Variants in TMOD1 observed in about 807,000 individuals in gnomAD.
TMOD1 encodes tropomodulin 1.
A neutral mutation model predicts 40.6 loss-of-function variants in TMOD1; 17 were observed. That is an observed-to-expected ratio of 0.42 (90% CI 0.29 to 0.63). The LOEUF is 0.63. Among genes scored for constraint, TMOD1 ranks in the 20% least tolerant of loss-of-function variants. The pLI, the probability that TMOD1 is intolerant of heterozygous loss-of-function variation, is 0.22. For missense variants in TMOD1, 391 were observed against 447.6 expected (o/e 0.87, Z 1.14); for synonymous variants, 181 against 175.0 (o/e 1.03, Z -0.27).
chr9:97,553,445 G>A, intron 4 of TMOD1, 45 bp downstream of exon 4: 1 of 1,611,978 alleles, frequency 6.2e-7, no homozygotes, highest in Non-Finnish European at 8.5e-7. Context: ...AGAAGGATTT[G>A]ACCCACATCT....
intron 1 of TMOD1, among the ~76,000 whole-genome samples, chr9:97,503,869 A>G (rs917325689): frequency 6.6e-6 from 1 of 152,138 alleles, no homozygotes; most frequent in Admixed American, 6.5e-5. Context: ...GTGGACCTGG[A>G]GTGGAGAGGG....
intron 1 of TMOD1, among the ~76,000 whole-genome samples, chr9:97,504,178 A>G (rs904375604): frequency 6.6e-6 from 1 of 152,172 alleles, no homozygotes; most frequent in East Asian, 1.9e-4. Context: ...CAATAGCCCC[A>G]TTTCATAGGG....
intron 2 of TMOD1, among the ~76,000 whole-genome samples, chr9:97,526,878 A>G (rs1830022226): frequency 6.6e-6 from 1 of 152,168 alleles, no homozygotes; most frequent in Non-Finnish European, 1.5e-5. Flanking sequence ...TCTTATACCC[A>G]GGTGTGATTA....
intron 4 of TMOD1, among the ~76,000 whole-genome samples, chr9:97,558,070 G>A (rs1830561518): frequency 6.6e-6 from 1 of 152,180 alleles, no homozygotes. Flanking sequence ...CTAGCCCCAG[G>A]CATTCTGCCC....
At chr9:97,531,744 G>A (rs941931713) in intron 2 of TMOD1, among the ~76,000 whole-genome samples, 1 of 152,102 alleles carries the variant, frequency 6.6e-6, no homozygotes, top group Non-Finnish European at 1.5e-5. Flanking sequence ...CTACATACGC[G>A]GTACCGGTAG....
chr9:97,509,110 A>C (rs1328001976), intron 1 of TMOD1, among the ~76,000 whole-genome samples: 1 of 152,148 alleles, frequency 6.6e-6, no homozygotes, highest in African/African-American at 2.4e-5. Context: ...CCCTGCTGAC[A>C]CCTCGATTTT....
At chr9:97,535,523 A>G (rs1311429748) in intron 2 of TMOD1, among the ~76,000 whole-genome samples, 1 of 152,124 alleles carries the variant, frequency 6.6e-6, no homozygotes. Context: ...GAGTAAGGTG[A>G]CCACACCACT....
intron 8 of TMOD1, among the ~76,000 whole-genome samples, chr9:97,575,636 G>C (rs1348415602): frequency 3.9e-5 from 6 of 152,184 alleles, no homozygotes; most frequent in Non-Finnish European, 7.3e-5. Context: ...AGTATTCCCA[G>C]TTGTCCATAT....
intron 8 of TMOD1, 135 bp downstream of exon 8, chr9:97,569,172 G>A (rs1830780073): frequency 8.9e-7 from 1 of 1,124,202 alleles, no homozygotes. Context: ...GACCTCCAAG[G>A]TCCCTAAAGT....
intron 3 of TMOD1, among the ~76,000 whole-genome samples, chr9:97,548,372 A>T (rs148776419): frequency 2.5e-3 from 383 of 152,326 alleles, no homozygotes; most frequent in African/African-American, 8.8e-3. Context: ...GAAAACTGGA[A>T]GTCCAGGGAG....
intron 8 of TMOD1, among the ~76,000 whole-genome samples, chr9:97,585,143 C>T (rs868039529): frequency 6.6e-6 from 1 of 152,130 alleles, no homozygotes; most frequent in Non-Finnish European, 1.5e-5. Context: ...CGGCTGGTAC[C>T]AGTTGTTCCT....
At chr9:97,506,339 G>C (rs1432678946) in intron 1 of TMOD1, among the ~76,000 whole-genome samples, 1 of 152,096 alleles carries the variant, frequency 6.6e-6, no homozygotes, top group Non-Finnish European at 1.5e-5. Flanking sequence ...ATTTATTTCT[G>C]CTTCCCCATG....
At chr9:97,564,525 T>G (rs1830696275) in intron 6 of TMOD1, among the ~76,000 whole-genome samples, 2 of 152,298 alleles carry the variant, frequency 1.3e-5, no homozygotes, top group South Asian at 4.1e-4. Flanking sequence ...GCATGGGATC[T>G]CAAGGCTGGA....
In TMOD1 at chr9:97,502,365, G is replaced by C. The variant is rs1829516917; in HGVS notation, c.-49+562G>C. Among the ~76,000 whole-genome samples the C allele has an allele frequency of 1.3e-5, 2 of 152,232 alleles. No individual in the cohort carries two copies. Among genetic ancestry groups the C allele is most frequent in the Admixed American group, 1.3e-4 (2 of 15,290 alleles). ...GGGCAGGTGAAGTTTCCCAAACTGG[G>C]AGAGACAAGGTTTAAAGCACCACGA... On this transcript the variant is annotated intron_variant, in intron 1 of 9. Coordinates refer to ENST00000259365, the MANE Select transcript of TMOD1 (RefSeq NM_003275.4). The surrounding 1 kb of genome is among the most constrained non-coding windows in gnomAD (Gnocchi z 6.1).
chr9:97,558,647 T>C (rs1373755909), intron 4 of TMOD1, among the ~76,000 whole-genome samples: 4 of 152,210 alleles, frequency 2.6e-5, no homozygotes, highest in Admixed American at 6.5e-5. Flanking sequence ...TTTCACCATG[T>C]TGGCCAGGCT....
At chr9:97,525,119 G>T (rs1303422688) in intron 2 of TMOD1, among the ~76,000 whole-genome samples, 1 of 152,126 alleles carries the variant, frequency 6.6e-6, no homozygotes, top group Non-Finnish European at 1.5e-5. Context: ...TGCCTAACAT[G>T]ATACAACTAT....
chr9:97,556,873 A>T (rs1243968513), intron 4 of TMOD1, among the ~76,000 whole-genome samples: 1 of 152,124 alleles, frequency 6.6e-6, no homozygotes, highest in Non-Finnish European at 1.5e-5. Flanking sequence ...GAGCGGCAGG[A>T]GGAGCGGTTC....
intron 2 of TMOD1, among the ~76,000 whole-genome samples, chr9:97,543,620 T>C (rs571645506): frequency 2.2e-4 from 34 of 152,260 alleles, no homozygotes; most frequent in Non-Finnish European, 4.1e-4. Context: ...TCATTATTAC[T>C]CCAAGTCAGG....
intron 8 of TMOD1, among the ~76,000 whole-genome samples, chr9:97,576,568 C>T (rs1050375500): frequency 6.6e-6 from 1 of 151,912 alleles, no homozygotes; most frequent in African/African-American, 2.4e-5. Context: ...AAAACAAATC[C>T]CTGTACATTT....
Sources: allele counts gnomAD v4.1 joint callset (sites outside exome capture counted in the v4.1 genomes callset), GRCh38; gene constraint gnomAD v4.1.1; non-coding constraint Gnocchi (gnomAD v3.1); transcripts MANE v1.5; gene names NCBI Gene and HGNC (gene_info 2026-07-23, HGNC 2026-07-21).